TLN1: variants seen among roughly 807,000 people sequenced by gnomAD.
TLN1 encodes talin 1, also known as talin-1.
TLN1 carries 56 observed loss-of-function variants against 292.3 expected under a neutral mutation model. That is an observed-to-expected ratio of 0.19 (90% confidence interval 0.15 to 0.24). TLN1 has a LOEUF of 0.24. Among genes scored for constraint, TLN1 ranks in the 10% least tolerant of loss-of-function variants. The pLI, the probability that TLN1 is intolerant of heterozygous loss-of-function variation, is 1.00. For missense variants in TLN1, 2,433 were observed against 3,248.2 expected (o/e 0.75, Z 6.10); for synonymous variants, 1,119 against 1,253.7 (o/e 0.89, Z 2.27).
chr9:35,722,003 T>C, intron 9 of TLN1, 116 bp downstream of exon 9: 2 of 1,187,278 alleles, frequency 1.7e-6, no homozygotes, highest in Non-Finnish European at 2.5e-6. Flanking sequence ...AGGAAGAGAA[T>C]GGGAATCTTA....
At chr9:35,722,967 G>A in intron 7 of TLN1, 46 bp from the exon 8 acceptor site, 2 of 1,572,726 alleles carry the variant, frequency 1.3e-6, no homozygotes, top group Non-Finnish European at 1.7e-6. Flanking sequence ...CAGCATCAGG[G>A]GACATGTGGG....
At chr9:35,715,572 G>A (rs1048051085) in intron 20 of TLN1, among the ~76,000 whole-genome samples, 5 of 152,238 alleles carry the variant, frequency 3.3e-5, no homozygotes, top group African/African-American at 1.2e-4. Flanking sequence ...CCAGAGTCCA[G>A]GGGGCCTAGG....
At position 35,717,783 on chromosome 9, in the gene TLN1, C is replaced by T. The variant is rs1184546209; in HGVS notation, c.1999G>A (p.Ala667Thr). 6.3e-7 allele frequency: 1 copy of T among 1,594,608 alleles called. No individual in the cohort carries two copies. The highest frequency in any genetic ancestry group is 2.3e-5 in the East Asian group (1 of 44,346). ...ACAGCTTTGGCGAGCTGCATTAGCGCATCCTGTGAGAAAACAGCAGTTAGC... is the reference window on the plus strand; with the variant it reads ...ACAGCTTTGGCGAGCTGCATTAGCGTATCCTGTGAGAAAACAGCAGTTAGC... ...ESDTDPHFQD[A>T]LMQLAKAVAS... Residue 667 changes from alanine (A) to threonine (T), a missense_variant, in exon 18 of 57, where the codon GCG becomes ACG. Transcript: ENST00000314888. This position sits in a 1 kb window ranked among gnomAD's most constrained non-coding sequence, Gnocchi z 4.7.
In TLN1 at chr9:35,699,046, G is replaced by A. The variant is rs117039868; in HGVS notation, c.6985C>T (p.Arg2329Trp). 7.4e-6 allele frequency: 12 copies of A among 1,613,146 alleles called. No homozygotes were observed. The highest frequency in any genetic ancestry group is 5.0e-5 in the Admixed American group (3 of 59,904). The change falls in exon 52 of 57, where the codon CGG (arginine) becomes TGG (tryptophan). Residue 2329 changes from arginine to tryptophan, a missense_variant. Around this residue, in one of 7 missense-constraint regions of TLN1, gnomAD observed 1,384 missense variants for 1,699.6 expected, o/e 0.81. Coordinates refer to ENST00000314888, the MANE Select transcript of TLN1 (RefSeq NM_006289.4). This position sits in a 1 kb window ranked among gnomAD's most constrained non-coding sequence, Gnocchi z 4.0. ...GCAGGACTGACCTTGGGTTTGGCCC[G>A]GGGCTTCAGCTGCTCTAGCTTTTTG... ...AAKKLEQLKP[R>W]AKPKEADESL...
At chr9:35,726,158 T>C (rs901209797) in intron 1 of TLN1, among the ~76,000 whole-genome samples, 2 of 152,192 alleles carry the variant, frequency 1.3e-5, no homozygotes, top group African/African-American at 4.8e-5. Flanking sequence ...GTGATCCACC[T>C]TGGCCTCCCC....
Position 35,716,468 on chromosome 9 carries a change from A to C in TLN1, c.2547T>G (p.Asp849Glu). ...AIKADAEGES[D>E]LENSRKLLSA... is the part of the protein sequence containing the mutation. Reference sequence around the variant, plus strand: ...TTAAGAGCTTGCGGGAGTTCTCCAGATCACTTTCCCCCTCAGCATCAGCCT... The same window carrying C: ...TTAAGAGCTTGCGGGAGTTCTCCAGCTCACTTTCCCCCTCAGCATCAGCCT... Residue 849 changes from aspartate to glutamate, a missense_variant, in exon 20 of 57, where the codon GAT (aspartate) becomes GAG (glutamate). Asp to Glu is a conservative substitution (Grantham distance 45). Around this residue, in one of 7 missense-constraint regions of TLN1, gnomAD observed 617 missense variants for 770.6 expected, o/e 0.80. Transcript: ENST00000314888. The C allele has an allele frequency of 1.2e-6, 2 of 1,614,202 alleles. No individual in the cohort carries two copies. Among genetic ancestry groups the C allele is most frequent in the Non-Finnish European group, 1.7e-6 (2 of 1,180,032 alleles).
intron 27 of TLN1, among the ~76,000 whole-genome samples, 199 bp from the exon 28 acceptor site, chr9:35,712,323 C>G (rs1378338882): frequency 6.6e-6 from 1 of 152,182 alleles, no homozygotes; most frequent in African/African-American, 2.4e-5. Flanking sequence ...TAGCTCAGCC[C>G]ATGACTGAAT....
At chr9:35,718,696 A>T in intron 17 of TLN1, 116 bp downstream of exon 17, 1 of 772,318 alleles carries the variant, frequency 1.3e-6, no homozygotes, top group Non-Finnish European at 2.2e-6. Context: ...CTGGAAATAG[A>T]GGTTCAGATT....
In TLN1 at chr9:35,716,533, T is replaced by C. The variant is rs1443177380; in HGVS notation, c.2482A>G (p.Ile828Val). The change falls in exon 20 of 57, where the codon ATC becomes GTC. Residue 828 changes from isoleucine (I) to valine (V), a missense_variant. By Grantham distance (29) the Ile-to-Val change is conservative. Around this residue, in one of 7 missense-constraint regions of TLN1, gnomAD observed 617 missense variants for 770.6 expected, o/e 0.80. Transcript: ENST00000314888. ...AGGTCAGATGTGGCTTGGGCCAGGA[T>C]GCGGGCCTGTCGCACCATCTCCCCT... The part of the protein sequence containing the change: ...DAGEMVRQAR[I>V]LAQATSDLVN... 2 of 1,614,106 alleles carry C rather than the reference T, an allele frequency of 1.2e-6. No individual in the cohort carries two copies. Among genetic ancestry groups the C allele is most frequent in the Non-Finnish European group, 1.7e-6 (2 of 1,180,012 alleles).
chr9:35,726,130 T>C (rs1825974689), intron 1 of TLN1, among the ~76,000 whole-genome samples: 1 of 152,164 alleles, frequency 6.6e-6, no homozygotes, highest in African/African-American at 2.4e-5. Context: ...GCCAGGATGG[T>C]CTCGATCTCC....
chr9:35,698,591 G>C lies in TLN1; in HGVS notation c.7188+26C>G. The C allele has an allele frequency of 6.2e-7, 1 of 1,614,140 alleles. No homozygotes were observed. The highest frequency in any genetic ancestry group is 8.5e-7 in the Non-Finnish European group (1 of 1,180,044). The stretch of plus-strand genomic sequence containing the variant: ...CCTTCTCAAGTCTCTCAAACTGAGA[G>C]AGACCTAGTGGTATTGCACACTTAC... On this transcript the variant is annotated intron_variant, in intron 54 of 56. Coordinates refer to ENST00000314888, the MANE Select transcript of TLN1 (RefSeq NM_006289.4). This position sits in a 1 kb window ranked among gnomAD's most constrained non-coding sequence, Gnocchi z 5.3.
chr9:35,699,926 G>T lies in TLN1; in HGVS notation c.6768+48C>A, dbSNP rs981246241. The T allele has an allele frequency of 2.6e-6, 4 of 1,555,056 alleles. No individual in the cohort carries two copies. The highest frequency in any genetic ancestry group is 3.5e-6 in the Non-Finnish European group (4 of 1,137,034). Reference sequence around the variant, plus strand: ...GTGCGAGGCCTGCAGGAAGAGGGCTGTGTATTCAGGGAGGCTGGTATGAGG... The same window carrying T: ...GTGCGAGGCCTGCAGGAAGAGGGCTTTGTATTCAGGGAGGCTGGTATGAGG... On this transcript the variant is annotated intron_variant, in intron 50 of 56. Transcript: ENST00000314888. This position sits in a 1 kb window ranked among gnomAD's most constrained non-coding sequence, Gnocchi z 4.0.
At chr9:35,711,178 C>G in intron 30 of TLN1, 77 bp downstream of exon 30, 1 of 1,610,474 alleles carries the variant, frequency 6.2e-7, no homozygotes, top group Non-Finnish European at 8.5e-7. Context: ...ATTCCTAAGC[C>G]AAGAAGCTCT....
chr9:35,727,335 G>C (rs781061077), intron 1 of TLN1, among the ~76,000 whole-genome samples: 32 of 152,208 alleles, frequency 2.1e-4, no homozygotes, highest in Non-Finnish European at 4.1e-4. Context: ...AGAAGGGGTA[G>C]AGGGTAAAGA....
At position 35,714,901 on chromosome 9, in the gene TLN1, C is replaced by T. The variant is rs757170889; in HGVS notation, c.2755-25G>A. On this transcript the variant is annotated intron_variant, in intron 21 of 56. Transcript: ENST00000314888. This position sits in a 1 kb window ranked among gnomAD's most constrained non-coding sequence, Gnocchi z 4.6. ...GCTGTGAAGACAAGAGTAGTCAGAC[C>T]AAGCCCATGGATTCCCATGCCCAGC... 3 of 1,592,712 alleles carry T rather than the reference C, an allele frequency of 1.9e-6. No individual in the cohort carries two copies. The South Asian group carries it at 3.4e-5, about 18-fold the overall frequency.
Position 35,704,953 on chromosome 9 carries a change from C to G in TLN1, c.5734-138G>C. The G allele has an allele frequency of 9.2e-7, 1 of 1,091,566 alleles. No individual in the cohort carries two copies. Among genetic ancestry groups the G allele is most frequent in the Admixed American group, 2.8e-5 (1 of 36,024 alleles). 67.6% of individuals were successfully genotyped at this position (1,091,566 alleles called of 1,614,324 possible). A position where few individuals can be genotyped will look rare whatever the true frequency, so the allele number is the denominator to read the frequency against. ...AAGCAGAGAGAGAAGGTTCCCAGCA[C>G]AAGGACGTTTCCGGTTGCATATCCT... On this transcript the variant is annotated intron_variant, in intron 43 of 56. Coordinates refer to ENST00000314888, the MANE Select transcript of TLN1 (RefSeq NM_006289.4). This position sits in a 1 kb window ranked among gnomAD's most constrained non-coding sequence, Gnocchi z 6.9.
rs771095398 is a variant in TLN1 at position 35,706,054 on chromosome 9, C to T, written c.5419G>A (p.Val1807Ile). ...EEAVQMMTEA[V>I]EDLTTTLNEA... ...TTGAGGGTTGTTGTCAGGTCCTCTA[C>T]GGCCTCGGTCATCATCTGCACAGCC... Residue 1807 changes from valine (V) to isoleucine (I), a missense_variant, in exon 41 of 57, where the codon GTA becomes ATA. Around this residue, in one of 7 missense-constraint regions of TLN1, gnomAD observed 1,384 missense variants for 1,699.6 expected, o/e 0.81. Transcript: ENST00000314888. This position sits in a 1 kb window ranked among gnomAD's most constrained non-coding sequence, Gnocchi z 4.2. The T allele has an allele frequency of 1.4e-5, 23 of 1,614,100 alleles. No homozygotes were observed. The highest frequency in any genetic ancestry group is 2.7e-5 in the African/African-American group (2 of 74,934).
chr9:35,703,535 A>G, intron 48 of TLN1, 25 bp downstream of exon 48: 5 of 1,603,016 alleles, frequency 3.1e-6, no homozygotes, highest in Non-Finnish European at 4.3e-6. Context: ...GACCCTAGTC[A>G]CTGATGCCCC....
chr9:35,723,164 C>G (rs1283200004), intron 7 of TLN1: 1 of 343,812 alleles, frequency 2.9e-6, no homozygotes, highest in Non-Finnish European at 5.5e-6. Flanking sequence ...TGCAATGGCA[C>G]GATCTCAGCT....
Sources: gnomAD v4.1 joint callset for allele counts (sites outside exome capture counted in the v4.1 genomes callset) on GRCh38, gnomAD v4.1.1 for gene constraint, gnomAD v4.1.1 regional missense constraint, Gnocchi (gnomAD v3.1) non-coding constraint, MANE v1.5 for transcripts, NCBI Gene and HGNC (gene_info 2026-07-23, HGNC 2026-07-21) for gene names.